SMURF2: variants seen among roughly 807,000 people sequenced by gnomAD.
SMURF2 encodes E3 ubiquitin-protein ligase SMURF2.
In SMURF2, 48 loss-of-function variants were observed where a neutral mutation model predicts 109.6. The observed-to-expected ratio is 0.44, with a 90% CI of 0.35 to 0.56. The LOEUF is 0.56. Among genes scored for constraint, SMURF2 ranks in the 20% least tolerant of loss-of-function variants. SMURF2 has a pLI of 0.01. For synonymous variants in SMURF2, 288 were observed against 317.1 expected (o/e 0.91, Z 0.97); for missense variants, 575 against 909.0 (o/e 0.63, Z 4.72).
At chr17:64,653,859 T>C (rs979724112) in intron 1 of SMURF2, among the ~76,000 whole-genome samples, 2 of 152,176 alleles carry the variant, frequency 1.3e-5, no homozygotes, top group Non-Finnish European at 2.9e-5. Flanking sequence ...TATTTATAAA[T>C]GGATAAACAA....
chr17:64,566,569 T>G (rs1365431367), intron 10 of SMURF2, among the ~76,000 whole-genome samples: 22 of 79,978 alleles, frequency 2.8e-4, no homozygotes, highest in African/African-American at 8.5e-4. Flanking sequence ...TGGTTTTTTT[T>G]TTTTTTTTTT....
intron 1 of SMURF2, among the ~76,000 whole-genome samples, chr17:64,652,418 A>C (rs1219273850): frequency 6.6e-6 from 1 of 152,264 alleles, no homozygotes; most frequent in Non-Finnish European, 1.5e-5. Flanking sequence ...AAATAAACTT[A>C]AAGGGTAGAA....
chr17:64,631,982 G>A (rs1970356473), intron 1 of SMURF2, among the ~76,000 whole-genome samples: 1 of 62,846 alleles, frequency 1.6e-5, no homozygotes, highest in Non-Finnish European at 3.0e-5. Context: ...GGGGGGGGGT[G>A]GACAGAGGCA....
intron 9 of SMURF2, among the ~76,000 whole-genome samples, chr17:64,573,894 G>C (rs375284936): frequency 6.6e-6 from 1 of 152,116 alleles, no homozygotes; most frequent in Non-Finnish European, 1.5e-5. Flanking sequence ...ACCAAATATT[G>C]CATGTTCTCA....
Position 64,607,840 on chromosome 17 carries a change from G to A in SMURF2, c.53-1200C>T, listed in dbSNP as rs1047846786. 1.8e-4 allele frequency among the ~76,000 whole-genome samples: 27 copies of A among 150,740 alleles called. 1 individual carries two copies. The highest frequency in any genetic ancestry group is 5.9e-4 in the African/African-American group (24 of 40,798). On this transcript the variant is annotated intron_variant, in intron 1 of 18. Coordinates refer to ENST00000262435, the MANE Select transcript of SMURF2 (RefSeq NM_022739.4). ...ACAAAAATTAGCTGGGTGTAGTGGC[G>A]CACACCTGTAATCCCAGCTACTCAG... is the stretch of plus-strand genomic sequence containing the variant.
intron 1 of SMURF2, among the ~76,000 whole-genome samples, chr17:64,646,376 T>C (rs76007386): frequency 1.3e-5 from 2 of 148,282 alleles, no homozygotes; most frequent in Non-Finnish European, 3.0e-5. Flanking sequence ...TTTTTTTTTT[T>C]CTTTCTTTTT....
chr17:64,555,707 CAAAT>C (rs1969108993), intron 14 of SMURF2, 109 bp downstream of exon 14: 3 of 651,288 alleles, frequency 4.6e-6, no homozygotes, highest in African/African-American at 3.7e-5. Flanking sequence ...TCCTATCACT[CAAAT>C]AACCACTCAA....
intron 3 of SMURF2, 73 bp downstream of exon 3, chr17:64,598,309 C>T (rs1459672919): frequency 7.8e-7 from 1 of 1,275,174 alleles, no homozygotes; most frequent in Non-Finnish European, 1.1e-6. Flanking sequence ...GATCATTTCC[C>T]ATGATTATTT....
At chr17:64,558,951 C>G (rs1489760911) in intron 12 of SMURF2, among the ~76,000 whole-genome samples, 3 of 152,026 alleles carry the variant, frequency 2.0e-5, no homozygotes, top group Admixed American at 2.0e-4. Context: ...AGTATTAAAA[C>G]TAGTTAAAGG....
intron 15 of SMURF2, 94 bp downstream of exon 15, chr17:64,554,762 C>T: frequency 8.6e-7 from 1 of 1,160,904 alleles, no homozygotes; most frequent in Non-Finnish European, 1.2e-6. Flanking sequence ...GATTTTGTAA[C>T]ACTAAGTAGT....
At chr17:64,622,791 G>A (rs1970222528) in intron 1 of SMURF2, among the ~76,000 whole-genome samples, 2 of 152,018 alleles carry the variant, frequency 1.3e-5, no homozygotes, top group African/African-American at 2.4e-5. Flanking sequence ...TGTACTCTTT[G>A]GAAGGATGTC....
intron 1 of SMURF2, among the ~76,000 whole-genome samples, chr17:64,656,710 G>A (rs1340331452): frequency 6.6e-6 from 1 of 151,874 alleles, no homozygotes; most frequent in Non-Finnish European, 1.5e-5. Flanking sequence ...GATGTTTACA[G>A]CAATTATTTG....
chr17:64,631,322 G>GAGAGAC (rs1568203023), intron 1 of SMURF2, among the ~76,000 whole-genome samples: 6 of 122,938 alleles, frequency 4.9e-5, no homozygotes, highest in Non-Finnish European at 9.9e-5. Context: ...GAGAGAGAGA[G>GAGAGAC]AGAGACAGAG....
intron 2 of SMURF2, among the ~76,000 whole-genome samples, chr17:64,602,430 G>A (rs1484350068): frequency 6.6e-6 from 1 of 151,938 alleles, no homozygotes; most frequent in African/African-American, 2.4e-5. Context: ...TTCCCTTTCT[G>A]TTAAATAACA....
intron 5 of SMURF2, among the ~76,000 whole-genome samples, chr17:64,587,327 A>C (rs562274402): frequency 3.3e-4 from 51 of 152,344 alleles, no homozygotes; most frequent in South Asian, 1.2e-3. Flanking sequence ...CAAAGAACGA[A>C]GAAGGAAGAG....
chr17:64,543,369 G>A lies in SMURF2; in HGVS notation c.*2479C>T, dbSNP rs782552440. ...GGCTCACTGCAATCTCTGCCTCCCA[G>A]ATTCAAGCAATTCTCCTGCCTCAGC... On this transcript the variant is annotated 3_prime_UTR_variant, in exon 19 of 19. Coordinates refer to ENST00000262435, the MANE Select transcript of SMURF2 (RefSeq NM_022739.4). The A allele has an allele frequency of 6.6e-6, 1 of 151,050 alleles. No homozygotes were observed. Among genetic ancestry groups the A allele is most frequent in the Non-Finnish European group, 1.5e-5 (1 of 67,978 alleles). 9.4% of individuals were successfully genotyped at this position (151,050 alleles called of 1,614,324 possible). A position where few individuals can be genotyped will look rare whatever the true frequency, so the allele number is the denominator to read the frequency against.
chr17:64,619,284 C>G (rs1044566936), intron 1 of SMURF2, among the ~76,000 whole-genome samples: 3 of 151,846 alleles, frequency 2.0e-5, no homozygotes, highest in African/African-American at 7.3e-5. Flanking sequence ...CGAGACCAGC[C>G]TGGCTAACAT....
At chr17:64,597,125 G>A (rs1969828716) in intron 3 of SMURF2, among the ~76,000 whole-genome samples, 1 of 152,164 alleles carries the variant, frequency 6.6e-6, no homozygotes, top group African/African-American at 2.4e-5. Flanking sequence ...GAACCACTGG[G>A]CTGGGCATCA....
chr17:64,585,818 T>TAA (rs1167414025), intron 6 of SMURF2, among the ~76,000 whole-genome samples: 1 of 152,218 alleles, frequency 6.6e-6, no homozygotes, highest in African/African-American at 2.4e-5. Flanking sequence ...TTTAACTAGA[T>TAA]AATATTTACA....
Sources: allele counts gnomAD v4.1 joint callset (sites outside exome capture counted in the v4.1 genomes callset), GRCh38; gene constraint gnomAD v4.1.1; transcripts MANE v1.5; gene names NCBI Gene and HGNC (gene_info 2026-07-23, HGNC 2026-07-21).